The following ZNF185 variants were observed in gnomAD, a reference collection of about 807,000 sequenced individuals.
ZNF185 encodes the protein zinc finger protein 185 with LIM domain.
ZNF185 carries 56 observed loss-of-function variants against 58.6 expected under a neutral mutation model. The ratio of observed to expected loss-of-function variants is 0.95; its 90% confidence interval spans 0.77 to 1.19. The LOEUF is 1.19. Among genes scored for constraint, ZNF185 ranks in the 50% most tolerant of loss-of-function variants. The pLI is 0.00. For missense variants in ZNF185, 627 were observed against 573.5 expected (o/e 1.09, Z -0.95); for synonymous variants, 230 against 215.9 (o/e 1.07, Z -0.57).
intron 15 of ZNF185, among the ~76,000 whole-genome samples, chrX:152,938,887 C>T (rs1264155637): frequency 1.0e-5 from 1 of 95,450 alleles, no homozygotes; most frequent in African/African-American, 5.3e-5. Flanking sequence ...GTGGAAAAGG[C>T]AACTCAGGCG....
At chrX:152,905,006 G>A in the ZNF185 span, among the ~76,000 whole-genome samples, 3 of 112,577 alleles carry the variant, frequency 2.7e-5, no homozygotes, top group Non-Finnish European at 3.8e-5. Flanking sequence ...GGTGAGTGAC[G>A]CGTCCAGTGA....
chrX:152,950,715 C>T (rs2048217516), intron 16 of ZNF185, among the ~76,000 whole-genome samples: 1 of 111,707 alleles, frequency 9.0e-6, no homozygotes, highest in Non-Finnish European at 1.9e-5. Flanking sequence ...AATCCCAAAG[C>T]CAGTTTTAGG....
intron 12 of ZNF185, among the ~76,000 whole-genome samples, chrX:152,930,566 T>C (rs1309285706): frequency 9.0e-6 from 1 of 110,508 alleles, no homozygotes; most frequent in Non-Finnish European, 1.9e-5. Flanking sequence ...TGAGGGCCAG[T>C]TGGGAGTTAG....
chrX:152,958,599 A>G (rs1014674102), intron 16 of ZNF185, among the ~76,000 whole-genome samples: 11 of 110,251 alleles, frequency 1.0e-4, no homozygotes, highest in Admixed American at 2.9e-4. Flanking sequence ...CTACTAAAAT[A>G]CAAAGAATTA....
At chrX:152,917,820 A>G in intron 5 of ZNF185, 2 of 1,065,150 alleles carry the variant, frequency 1.9e-6, no homozygotes, top group Non-Finnish European at 2.4e-6. Flanking sequence ...GGCCAAGGGG[A>G]CCCGGAAACA....
chrX:152,937,541 TC>T, intron 14 of ZNF185, among the ~76,000 whole-genome samples: 1 of 111,308 alleles, frequency 9.0e-6, no homozygotes, highest in Non-Finnish European at 1.9e-5. Context: ...TTCTCTAGGT[TC>T]CCGTGCACCC....
chrX:152,899,864 C>T, the ZNF185 span, among the ~76,000 whole-genome samples: 4 of 111,661 alleles, frequency 3.6e-5, no homozygotes, highest in East Asian at 2.8e-4. Flanking sequence ...CTAACCTCCC[C>T]GTTACTCCTG....
intron 6 of ZNF185, among the ~76,000 whole-genome samples, chrX:152,918,360 C>T (rs1556867491): frequency 1.8e-5 from 2 of 113,097 alleles, no homozygotes; most frequent in Non-Finnish European, 3.7e-5. Context: ...GTGCACATTG[C>T]ACGTCTGATC....
chrX:152,963,014 A>G (rs1158402682), intron 17 of ZNF185, among the ~76,000 whole-genome samples: 3 of 113,365 alleles, frequency 2.6e-5, no homozygotes, highest in African/African-American at 9.6e-5. Flanking sequence ...GAGAAAAGCC[A>G]GAATCAGCCC....
In ZNF185 at chrX:152,920,315, C is replaced by T. The variant is rs372383558; in HGVS notation, c.531-13C>T. The stretch of plus-strand genomic sequence containing the variant: ...GCACCCATCAGATGCTCCCCCATCC[C>T]GTGTCACCCCAGGTCAGAGGCTGCA... On this transcript the variant is annotated splice_polypyrimidine_tract_variant and intron_variant, in intron 7 of 22. Transcript: ENST00000449285. 26 of 1,206,023 alleles carry T rather than the reference C, an allele frequency of 2.2e-5. No homozygotes were observed. In the East Asian group the frequency reaches 3.9e-4, roughly 18 times the overall value.
At chrX:152,912,621 G>A (rs1937553781), upstream of ZNF185, among the ~76,000 whole-genome samples, 3 of 111,745 alleles carry the variant, frequency 2.7e-5, no homozygotes, top group Non-Finnish European at 5.6e-5. Flanking sequence ...AAAGGAGTAC[G>A]TCTTTGAGGT....
upstream of ZNF185, among the ~76,000 whole-genome samples, chrX:152,912,448 C>A (rs1428856615): frequency 1.8e-5 from 2 of 111,821 alleles, no homozygotes; most frequent in Non-Finnish European, 3.8e-5. Context: ...TGGCAGGAAA[C>A]TTCTAGGCAA....
rs1330649890 is a variant in ZNF185 at position 152,938,271 on chromosome X, C to G, written c.1211+108C>G. The G allele has an allele frequency of 3.4e-5, 27 of 787,415 alleles. No homozygotes were observed. The Admixed American group carries it at 7.2e-4, about 21-fold the overall frequency. The allele number at this position is 787,415 out of a possible 1,213,427, so 64.9% of individuals were successfully genotyped here. A position where few individuals can be genotyped will look rare whatever the true frequency, so the allele number is the denominator to read the frequency against. ...AGGTGAGGCCAGCAAGGTTTGTGAG[C>G]TGGCCTGAGGCACATAGCAAGGGCA... On this transcript the variant is annotated intron_variant, in intron 15 of 22. Transcript: ENST00000449285.
chrX:152,900,788 G>A, the ZNF185 span, among the ~76,000 whole-genome samples: 1 of 112,407 alleles, frequency 8.9e-6, no homozygotes, highest in Admixed American at 9.3e-5. Flanking sequence ...TAGCCTAGTG[G>A]TTAAGAGAAT....
intron 15 of ZNF185, among the ~76,000 whole-genome samples, chrX:152,940,482 G>A (rs1313804215): frequency 9.1e-6 from 1 of 110,083 alleles, no homozygotes; most frequent in Non-Finnish European, 1.9e-5. Context: ...TTTCTGATTG[G>A]CAATTGGTTG....
At chrX:152,967,774 C>CT in intron 20 of ZNF185, among the ~76,000 whole-genome samples, 1 of 111,969 alleles carries the variant, frequency 8.9e-6, no homozygotes, top group East Asian at 2.8e-4. Flanking sequence ...GGCACAGTCA[C>CT]TAGAGAGTCT....
chrX:152,948,813 G>A (rs2048024558), intron 16 of ZNF185, among the ~76,000 whole-genome samples: 1 of 111,769 alleles, frequency 8.9e-6, no homozygotes, highest in South Asian at 3.7e-4. Flanking sequence ...ATTTTCTTTC[G>A]AGGGCAAAGA....
At chrX:152,931,489 G>C (rs1210097251) in intron 12 of ZNF185, among the ~76,000 whole-genome samples, 183 bp from the exon 14 acceptor site, 4 of 112,282 alleles carry the variant, frequency 3.6e-5, no homozygotes, top group African/African-American at 6.5e-5. Flanking sequence ...TGAACTCCTG[G>C]CTCAAGTGAT....
intron 16 of ZNF185, among the ~76,000 whole-genome samples, chrX:152,955,579 C>T (rs998473713): frequency 8.9e-6 from 1 of 112,667 alleles, no homozygotes; most frequent in Non-Finnish European, 1.9e-5. Flanking sequence ...GAGCTCAGTA[C>T]ACAACAATGG....
Sources: gnomAD v4.1 joint callset for allele counts (sites outside exome capture counted in the v4.1 genomes callset) on GRCh38, gnomAD v4.1.1 for gene constraint, MANE v1.5 for transcripts, NCBI Gene and HGNC (gene_info 2026-07-23, HGNC 2026-07-21) for gene names.